Variants in ZNF611 observed in about 807,000 individuals in gnomAD.
ZNF611 encodes the protein zinc finger protein 611.
In ZNF611, 6 loss-of-function variants were observed where a neutral mutation model predicts 8.9. The ratio of observed to expected loss-of-function variants is 0.68; its 90% CI spans 0.37 to 1.34. The LOEUF (loss-of-function observed/expected upper bound fraction) is 1.34. Among genes scored for constraint, ZNF611 ranks in the 40% most tolerant of loss-of-function variants. The probability of loss-of-function intolerance (pLI) is 0.02; values close to 1 mark genes in which losing one functional copy is unlikely to be tolerated. For missense variants in ZNF611, 874 were observed against 841.3 expected (o/e 1.04, Z -0.48); for synonymous variants, 262 against 279.7 (o/e 0.94, Z 0.63).
At chr19:52,714,947 A>G (rs1415123425) in intron 4 of ZNF611, among the ~76,000 whole-genome samples, 12 of 150,952 alleles carry the variant, frequency 7.9e-5, no homozygotes, top group Non-Finnish European at 1.6e-4. Context: ...GCAGTGAGCC[A>G]AGATCGCACC....
chr19:52,705,492 A>G lies in ZNF611; in HGVS notation c.1563T>C (p.Arg521=). ...KCDECEKVFS[R]KSSLETHKIG... ...TCTTATGTGTCTCAAGGCTTGATTT[A>G]CGACTGAAAACCTTTTCACATTCAT... The change falls in exon 6 of 6, where the codon CGT becomes CGC. Residue 521 remains arginine, a synonymous_variant. Transcript: ENST00000652185. The G allele has an allele frequency of 6.2e-7, 1 of 1,612,938 alleles. No individual in the cohort carries two copies. Among genetic ancestry groups the G allele is most frequent in the Non-Finnish European group, 8.5e-7 (1 of 1,179,708 alleles).
In ZNF611 at chr19:52,704,807, G is replaced by A. The variant is rs182807247; in HGVS notation, c.*130C>T. ...TCTCCAGTGTGAAGTCCAGTATGTT[G>A]TTCCAGGTGTGAATCACTCCCAAGT... On this transcript the variant is annotated 3_prime_UTR_variant, in exon 6 of 6. Coordinates refer to ENST00000652185, the MANE Select transcript of ZNF611 (RefSeq NM_001161499.2). 5.0e-6 allele frequency: 8 copies of A among 1,594,558 alleles called. No homozygotes were observed. The East Asian group carries it at 9.0e-5, about 18-fold the overall frequency.
intron 5 of ZNF611, among the ~76,000 whole-genome samples, chr19:52,709,086 T>G (rs1457441738): frequency 6.6e-6 from 1 of 152,274 alleles, no homozygotes; most frequent in Non-Finnish European, 1.5e-5. Flanking sequence ...ATATGATGTA[T>G]GTTCCCTGGC....
intron 1 of ZNF611, among the ~76,000 whole-genome samples, chr19:52,730,493 G>A (rs994462182): frequency 1.3e-5 from 2 of 151,738 alleles, no homozygotes; most frequent in Admixed American, 6.6e-5. Flanking sequence ...GTGTCCAATA[G>A]GATGTTCCTG....
chr19:52,727,454 G>A (rs1271731978), intron 3 of ZNF611, among the ~76,000 whole-genome samples: 1 of 151,066 alleles, frequency 6.6e-6, no homozygotes, highest in Non-Finnish European at 1.5e-5. Flanking sequence ...AAAGCCCTTG[G>A]TCACACATAG....
chr19:52,730,391 CAAAA>C (rs1159350274), intron 1 of ZNF611, among the ~76,000 whole-genome samples: 4 of 73,532 alleles, frequency 5.4e-5, no homozygotes, highest in African/African-American at 2.0e-4. Flanking sequence ...GACTCCGTCT[CAAAA>C]AAAAAAAAAA....
At chr19:52,716,378 T>G (rs2062317379) in intron 3 of ZNF611, 1 of 154,768 alleles carries the variant, frequency 6.5e-6, no homozygotes, top group African/African-American at 2.4e-5. Context: ...GAATCCCTGC[T>G]AAAGTGGCAC....
chr19:52,728,304 C>G (rs901479747), intron 3 of ZNF611, among the ~76,000 whole-genome samples: 1 of 152,056 alleles, frequency 6.6e-6, no homozygotes, highest in Non-Finnish European at 1.5e-5. Flanking sequence ...TCTGGAAGGC[C>G]GAGGCTGGAG....
chr19:52,732,140 G>A (rs1223256960), intron 1 of ZNF611, among the ~76,000 whole-genome samples: 1 of 151,766 alleles, frequency 6.6e-6, no homozygotes, highest in Admixed American at 6.6e-5. Flanking sequence ...AGTGGTGACA[G>A]GAGCCTGTAC....
chr19:52,733,475 C>T (rs1301886242), intron 1 of ZNF611, among the ~76,000 whole-genome samples: 1 of 151,978 alleles, frequency 6.6e-6, no homozygotes, highest in African/African-American at 2.4e-5. Flanking sequence ...TATTTACTTA[C>T]TTTTTTGGCG....
intron 5 of ZNF611, among the ~76,000 whole-genome samples, chr19:52,712,511 C>T (rs542939290): frequency 7.8e-6 from 1 of 128,898 alleles, no homozygotes; most frequent in Admixed American, 8.6e-5. Context: ...TGGTGATGCA[C>T]ATCTATGACC....
At chr19:52,716,142 CAGCAGTGGGG>C in intron 3 of ZNF611, 1 of 508,468 alleles carries the variant, frequency 2.0e-6, no homozygotes, top group East Asian at 3.3e-5. Flanking sequence ...ACACACGAGG[CAGCAGTGGGG>C]AGCTGGGCTG....
chr19:52,707,872 C>A (rs2062255575), intron 5 of ZNF611, among the ~76,000 whole-genome samples: 1 of 151,992 alleles, frequency 6.6e-6, no homozygotes, highest in Non-Finnish European at 1.5e-5. Context: ...CTCAAGTAAT[C>A]CACCCACCTC....
At chr19:52,719,659 A>G (rs1279359441) in intron 3 of ZNF611, among the ~76,000 whole-genome samples, 1 of 152,164 alleles carries the variant, frequency 6.6e-6, no homozygotes, top group Non-Finnish European at 1.5e-5. Context: ...ATCATTCTAT[A>G]CATAGCTCTT....
chr19:52,726,383 T>G (rs1484283242), intron 3 of ZNF611, among the ~76,000 whole-genome samples: 1 of 152,182 alleles, frequency 6.6e-6, no homozygotes, highest in African/African-American at 2.4e-5. Context: ...CTCTCTTCAT[T>G]GTCTCTCTCG....
At chr19:52,728,330 G>T (rs2062404990) in intron 3 of ZNF611, among the ~76,000 whole-genome samples, 1 of 152,124 alleles carries the variant, frequency 6.6e-6, no homozygotes, top group Non-Finnish European at 1.5e-5. Flanking sequence ...TCTGAAATCA[G>T]AAGTTCAAGA....
rs141382694 is a variant in ZNF611, at chr19:52,727,941, G to A, written c.-20+789C>T. 4.6e-3 allele frequency among the ~76,000 whole-genome samples: 593 copies of A among 129,402 alleles called. 2 individuals are homozygous for A. Among genetic ancestry groups the A allele is most frequent in the African/African-American group, 0.015 (501 of 34,190 alleles). 84.9% of individuals were successfully genotyped at this position (129,402 alleles called of 152,430 possible). A position where few individuals can be genotyped will look rare whatever the true frequency, so the allele number is the denominator to read the frequency against. ...TTTTTTTTTTTTGAGACGGAGTCTCGCTTTGTTGCCCAGGCTGCAGTGCAG... is the reference window on the plus strand; with the variant it reads ...TTTTTTTTTTTTGAGACGGAGTCTCACTTTGTTGCCCAGGCTGCAGTGCAG... On this transcript the variant is annotated intron_variant, in intron 3 of 5. Transcript: ENST00000652185.
At chr19:52,717,641 T>C (rs759721204) in intron 3 of ZNF611, 63 of 972,288 alleles carry the variant, frequency 6.5e-5, no homozygotes, top group Non-Finnish European at 7.7e-5. Context: ...CATGAACACA[T>C]GGGCTCTGCT....
At chr19:52,715,967 G>T in intron 3 of ZNF611, 54 bp from the exon 4 acceptor site, 2 of 1,596,496 alleles carry the variant, frequency 1.3e-6, no homozygotes, top group Admixed American at 3.4e-5. Context: ...CTCCCTTCCT[G>T]TGACAAAAAC....
Sources: allele counts gnomAD v4.1 joint callset (sites outside exome capture counted in the v4.1 genomes callset), GRCh38; gene constraint gnomAD v4.1.1; transcripts MANE v1.5; gene names NCBI Gene and HGNC (gene_info 2026-07-23, HGNC 2026-07-21).